Variants in ENOX1 observed in about 807,000 individuals in gnomAD.
The protein encoded by ENOX1 is ecto-NOX disulfide-thiol exchanger 1, also known as candidate growth-related and time keeping constitutive hydroquinone (NADH) oxidase.
In ENOX1, 42 loss-of-function variants were observed where a neutral mutation model predicts 82.5. That is an observed-to-expected ratio of 0.51 (90% CI 0.40 to 0.66). The LOEUF (loss-of-function observed/expected upper bound fraction) is 0.66. ENOX1 is among the 30% of genes least tolerant of loss of function. The probability of loss-of-function intolerance (pLI) is 0.00; values close to 1 mark genes in which losing one functional copy is unlikely to be tolerated. For synonymous variants in ENOX1, 271 were observed against 282.2 expected (o/e 0.96, Z 0.40); for missense variants, 608 against 811.6 (o/e 0.75, Z 3.05).
intron 10 of ENOX1, among the ~76,000 whole-genome samples, chr13:43,323,455 A>T (rs2047928884): frequency 6.6e-6 from 1 of 152,156 alleles, no homozygotes; most frequent in South Asian, 2.1e-4. Context: ...ATATGTGAAA[A>T]CTCATTGTAA....
chr13:43,544,387 T>C (rs2078884582), intron 2 of ENOX1: 1 of 152,196 alleles, frequency 6.6e-6, no homozygotes, highest in African/African-American at 2.4e-5. Context: ...CACTAAATGA[T>C]ATTTTGAATT....
intron 2 of ENOX1, among the ~76,000 whole-genome samples, chr13:43,489,403 A>C (rs894754398): frequency 6.6e-6 from 1 of 152,218 alleles, no homozygotes; most frequent in Non-Finnish European, 1.5e-5. Context: ...TGAGGCTTAC[A>C]GAGTGCAAGA....
chr13:43,708,523 T>C (rs895340796), intron 1 of ENOX1, among the ~76,000 whole-genome samples: 2 of 152,196 alleles, frequency 1.3e-5, no homozygotes, highest in African/African-American at 4.8e-5. Flanking sequence ...CATTGCCTTA[T>C]GGCCCCTCAG....
rs138765314 is a variant in ENOX1, at chr13:43,366,973, TATATAA to T, written c.209-5527_209-5522del. Among the ~76,000 whole-genome samples, 1,513 of 152,288 alleles carry T rather than the reference TATATAA, an allele frequency of 9.9e-3. 21 individuals are homozygous for T. Among genetic ancestry groups the T allele is most frequent in the African/African-American group, 0.035 (1,444 of 41,544 alleles). On this transcript the variant is annotated intron_variant, in intron 5 of 16. Transcript: ENST00000690772. ...ATTATATAGAATATTTACATAACCT[TATATAA>T]ATATGTTAGTAACATAGCAGACACA...
intron 2 of ENOX1, among the ~76,000 whole-genome samples, chr13:43,577,984 AT>A (rs989819057): frequency 8.1e-6 from 1 of 123,386 alleles, no homozygotes; most frequent in African/African-American, 2.5e-5. Flanking sequence ...GGGAAACTAT[AT>A]AAAAAAAAGG....
At chr13:43,482,381 G>A (rs541726960) in intron 3 of ENOX1, among the ~76,000 whole-genome samples, 5 of 152,248 alleles carry the variant, frequency 3.3e-5, no homozygotes, top group East Asian at 1.9e-4. Flanking sequence ...GCCAGTCACC[G>A]AAGGACAAGT....
intron 5 of ENOX1, among the ~76,000 whole-genome samples, chr13:43,362,843 G>C (rs942854449): frequency 6.6e-6 from 1 of 152,194 alleles, no homozygotes; most frequent in African/African-American, 2.4e-5. Flanking sequence ...ATAACCCCAA[G>C]AGGACTGCTG....
intron 3 of ENOX1, among the ~76,000 whole-genome samples, chr13:43,457,091 T>C (rs115767825): frequency 0.011 from 1,639 of 152,322 alleles, 18 homozygotes; most frequent in Middle Eastern, 0.037. Context: ...AGATTTATTT[T>C]TTATTCTTTA....
chr13:43,514,119 G>A (rs910759320), intron 2 of ENOX1, among the ~76,000 whole-genome samples: 2 of 152,108 alleles, frequency 1.3e-5, no homozygotes, highest in Non-Finnish European at 2.9e-5. Flanking sequence ...TTCACTTCTT[G>A]AGACAAAGAG....
intron 3 of ENOX1, among the ~76,000 whole-genome samples, chr13:43,470,362 ATACG>A (rs1299656370): frequency 0.093 from 4,934 of 53,032 alleles, 687 homozygotes; most frequent in East Asian, 0.28. Context: ...ATGTATATAT[ATACG>A]TATATATATA....
chr13:43,541,265 A>G (rs1416746809), intron 2 of ENOX1, among the ~76,000 whole-genome samples: 1 of 141,382 alleles, frequency 7.1e-6, no homozygotes, highest in East Asian at 2.2e-4. Flanking sequence ...TTGGGAGGCC[A>G]GGGCAGGGGG....
intron 3 of ENOX1, among the ~76,000 whole-genome samples, chr13:43,478,137 G>A (rs1422929446): frequency 7.1e-6 from 1 of 141,826 alleles, no homozygotes; most frequent in African/African-American, 2.6e-5. Flanking sequence ...TAAGGCAAGA[G>A]TCACTTAAGA....
intron 9 of ENOX1, among the ~76,000 whole-genome samples, chr13:43,332,192 A>C (rs1174476483): frequency 1.3e-5 from 2 of 152,154 alleles, no homozygotes; most frequent in Admixed American, 6.5e-5. Context: ...GGCACCAGGA[A>C]ATGGTTCTGT....
rs144628036 is a variant in ENOX1, at chr13:43,224,106, A to G, written c.1747T>C (p.Phe583Leu). 4.3e-6 allele frequency: 7 copies of G among 1,614,072 alleles called. No individual in the cohort carries two copies. The highest frequency in any genetic ancestry group is 5.1e-6 in the Non-Finnish European group (6 of 1,179,930). ...IISTFLHVHPFGANIEYLWSY... is the reference protein window; with the variant it reads ...IISTFLHVHPLGANIEYLWSY... ...CAAAGATATTCTATGTTGGCTCCAA[A>G]AGGATGGACGTGAAGAAACGTTGAT... Residue 583 changes from phenylalanine (F) to leucine (L), a missense_variant, in exon 16 of 17, where the codon TTT (phenylalanine) becomes CTT (leucine). By Grantham distance (22) the Phe-to-Leu change is conservative. Coordinates refer to ENST00000690772, the MANE Select transcript of ENOX1 (RefSeq NM_001347969.2).
intron 5 of ENOX1, 62 bp downstream of exon 5, chr13:43,411,854 C>T: frequency 1.3e-6 from 2 of 1,591,920 alleles, no homozygotes; most frequent in South Asian, 1.1e-5. Context: ...GATTACCAGG[C>T]ACCTGTCACC....
At chr13:43,573,941 T>C (rs749676671) in intron 2 of ENOX1, among the ~76,000 whole-genome samples, 3 of 152,138 alleles carry the variant, frequency 2.0e-5, no homozygotes, top group Non-Finnish European at 2.9e-5. Flanking sequence ...AAGTTAAAAA[T>C]TGGAGGTATT....
At chr13:43,572,058 G>C (rs1271765431) in intron 2 of ENOX1, among the ~76,000 whole-genome samples, 1 of 152,020 alleles carries the variant, frequency 6.6e-6, no homozygotes, top group African/African-American at 2.4e-5. Flanking sequence ...AGCATTTTCT[G>C]AGACAAAAAT....
intron 2 of ENOX1, among the ~76,000 whole-genome samples, chr13:43,550,263 A>T (rs1474917789): frequency 6.6e-6 from 1 of 152,132 alleles, no homozygotes; most frequent in Non-Finnish European, 1.5e-5. Context: ...GTGCAGGAAA[A>T]GGTGAACTAA....
At chr13:43,274,518 G>T (rs556838239) in intron 12 of ENOX1, among the ~76,000 whole-genome samples, 29 of 152,270 alleles carry the variant, frequency 1.9e-4, no homozygotes, top group African/African-American at 7.0e-4. Flanking sequence ...TGAAATTTAT[G>T]AGTCTCTATA....
Sources: gnomAD v4.1 joint callset for allele counts (sites outside exome capture counted in the v4.1 genomes callset) on GRCh38, gnomAD v4.1.1 for gene constraint, MANE v1.5 for transcripts, NCBI Gene and HGNC (gene_info 2026-07-23, HGNC 2026-07-21) for gene names.